SLC25A13: variants seen among roughly 807,000 people sequenced by gnomAD.
SLC25A13 encodes the protein electrogenic aspartate/glutamate antiporter SLC25A13, mitochondrial.
SLC25A13 carries 70 observed loss-of-function variants against 85.5 expected under a neutral mutation model. The observed-to-expected ratio is 0.82, with a 90% CI of 0.68 to 1.00. The LOEUF is 1.00. Ranked by LOEUF, SLC25A13 falls within the 50% of genes least tolerant of loss-of-function variation. SLC25A13 has a pLI of 0.00. For synonymous variants in SLC25A13, 259 were observed against 288.7 expected (o/e 0.90, Z 1.04); for missense variants, 765 against 819.8 (o/e 0.93, Z 0.82).
At chr7:96,205,552 T>C (rs1317321361) in intron 5 of SLC25A13, among the ~76,000 whole-genome samples, 1 of 152,216 alleles carries the variant, frequency 6.6e-6, no homozygotes, top group Non-Finnish European at 1.5e-5. Flanking sequence ...CCTGCTGAAA[T>C]CTTTCCATTC....
chr7:96,121,772 T>A lies in SLC25A13; in HGVS notation c.1751-27A>T, dbSNP rs368163332. 2.5e-6 allele frequency: 4 copies of A among 1,613,428 alleles called. No homozygotes were observed. In the African/African-American group the frequency reaches 5.3e-5, roughly 22 times the overall value. ...TTTAAAAAAATGGAGAAATCACAGATATAATTAGATATTTTAAAAATTTAC... is the reference window on the plus strand; with the variant it reads ...TTTAAAAAAATGGAGAAATCACAGAAATAATTAGATATTTTAAAAATTTAC... On this transcript the variant is annotated intron_variant, in intron 16 of 17. Coordinates refer to ENST00000265631, the MANE Select transcript of SLC25A13 (RefSeq NM_014251.3).
chr7:96,277,353 G>C lies in SLC25A13; in HGVS notation c.70-15C>G. The C allele has an allele frequency of 6.2e-7, 1 of 1,602,036 alleles. No individual in the cohort carries two copies. The highest frequency in any genetic ancestry group is 8.5e-7 in the Non-Finnish European group (1 of 1,172,414). ...ATGCTTGCATACTGTTTAAAAAAAAGAAAAACAGTATTTTATATATTTGAT... is the reference window on the plus strand; with the variant it reads ...ATGCTTGCATACTGTTTAAAAAAAACAAAAACAGTATTTTATATATTTGAT... On this transcript the variant is annotated splice_polypyrimidine_tract_variant and intron_variant, in intron 2 of 17. Coordinates refer to ENST00000265631, the MANE Select transcript of SLC25A13 (RefSeq NM_014251.3).
chr7:96,277,312 T>G lies in SLC25A13; in HGVS notation c.96A>C (p.Glu32Asp). 3.1e-6 allele frequency: 5 copies of G among 1,613,034 alleles called. No homozygotes were observed. Among genetic ancestry groups the G allele is most frequent in the Non-Finnish European group, 4.2e-6 (5 of 1,179,514 alleles). Residue 32 changes from glutamate (E) to aspartate (D), a missense_variant, in exon 3 of 18, where the codon GAA (glutamate) becomes GAC (aspartate). Coordinates refer to ENST00000265631, the MANE Select transcript of SLC25A13 (RefSeq NM_014251.3). ...LKYASIEKNG[E>D]FFMSPNDFVT... Reference sequence around the variant, plus strand: ...CAAAGTCATTGGGGGACATGAAAAATTCACCGTTTTTCTCAATGCTTGCAT... The same window carrying G: ...CAAAGTCATTGGGGGACATGAAAAAGTCACCGTTTTTCTCAATGCTTGCAT...
At chr7:96,174,244 C>T (rs774172475) in intron 11 of SLC25A13, among the ~76,000 whole-genome samples, 13 of 152,176 alleles carry the variant, frequency 8.5e-5, no homozygotes, top group Admixed American at 2.6e-4. Flanking sequence ...TCAAAAGCCC[C>T]CCTAAGCTCT....
At chr7:96,288,336 G>C (rs1001477293) in intron 2 of SLC25A13, among the ~76,000 whole-genome samples, 2 of 152,196 alleles carry the variant, frequency 1.3e-5, no homozygotes, top group African/African-American at 4.8e-5. Flanking sequence ...ACAGCTCCCA[G>C]CGTGAGCGAT....
intron 1 of SLC25A13, among the ~76,000 whole-genome samples, chr7:96,314,138 A>G (rs1191174572): frequency 6.6e-6 from 1 of 152,112 alleles, no homozygotes; most frequent in Non-Finnish European, 1.5e-5. Context: ...AGGAAGGAGG[A>G]GAAAGGATGA....
chr7:96,232,223 T>C (rs1260264898), intron 4 of SLC25A13, among the ~76,000 whole-genome samples: 2 of 151,940 alleles, frequency 1.3e-5, no homozygotes, highest in East Asian at 1.9e-4. Context: ...GAAAATGTGG[T>C]ACATATACAC....
chr7:96,146,190 T>C (rs903830528), intron 14 of SLC25A13, among the ~76,000 whole-genome samples: 26 of 152,152 alleles, frequency 1.7e-4, no homozygotes, highest in Admixed American at 3.9e-4. Flanking sequence ...GATCGGACCA[T>C]ATGCATAGGA....
chr7:96,317,045 C>A (rs1434368538), intron 1 of SLC25A13, among the ~76,000 whole-genome samples: 1 of 152,206 alleles, frequency 6.6e-6, no homozygotes, highest in Non-Finnish European at 1.5e-5. Context: ...CGTCAGCTCA[C>A]TGCAACCTCC....
At chr7:96,145,295 A>G (rs1257839158) in intron 14 of SLC25A13, among the ~76,000 whole-genome samples, 3 of 152,168 alleles carry the variant, frequency 2.0e-5, no homozygotes, top group South Asian at 4.1e-4. Flanking sequence ...ACTCTTTCCA[A>G]TCACTTGACC....
chr7:96,187,823 G>A (rs1168827300), intron 9 of SLC25A13, among the ~76,000 whole-genome samples: 3 of 152,186 alleles, frequency 2.0e-5, no homozygotes, highest in Non-Finnish European at 2.9e-5. Context: ...ACAGGTGGAC[G>A]ACCTCCCTTG....
chr7:96,283,819 T>TA (rs1224658803), intron 2 of SLC25A13: 2,934 of 80,950 alleles, frequency 0.036, 150 homozygotes, highest in African/African-American at 0.12. Flanking sequence ...AATAGGTGTT[T>TA]AAAAAAAAAA....
intron 2 of SLC25A13, among the ~76,000 whole-genome samples, chr7:96,289,357 T>C (rs1483034110): frequency 3.9e-5 from 6 of 152,206 alleles, no homozygotes; most frequent in African/African-American, 1.4e-4. Context: ...GCACCTCTCC[T>C]GCTCCAAAGG....
intron 3 of SLC25A13, among the ~76,000 whole-genome samples, chr7:96,265,457 G>A (rs560157557): frequency 1.3e-5 from 2 of 152,142 alleles, no homozygotes; most frequent in Non-Finnish European, 1.5e-5. Flanking sequence ...GTATCCTCTA[G>A]TAGAAGACTA....
At chr7:96,229,770 C>T (rs977987734) in intron 4 of SLC25A13, among the ~76,000 whole-genome samples, 8 of 152,042 alleles carry the variant, frequency 5.3e-5, no homozygotes, top group South Asian at 2.1e-4. Context: ...AGCGAGACCA[C>T]GAACCCACCA....
rs202010157 is a variant in SLC25A13 at position 96,234,846 on chromosome 7, G to T, written c.284C>A (p.Ala95Asp). 9 of 1,613,754 alleles carry T rather than the reference G, an allele frequency of 5.6e-6. No homozygotes were observed. Among genetic ancestry groups the T allele is most frequent in the Non-Finnish European group, 7.6e-6 (9 of 1,179,926 alleles). ...GCCAGCTTTGTCAAACAGCTGAAAG[G>T]CTACCATAAACAAAGCATCAGGGGC... ...LCAPDALFMV[A>D]FQLFDKAGKG... The change falls in exon 4 of 18, where the codon GCC (alanine) becomes GAC (aspartate). Residue 95 changes from alanine (A) to aspartate (D), a missense_variant. By Grantham distance (126) the Ala-to-Asp change is moderately radical (BLOSUM62 -2). Transcript: ENST00000265631.
At chr7:96,314,104 GAGA>G (rs977372568) in intron 1 of SLC25A13, among the ~76,000 whole-genome samples, 1 of 151,836 alleles carries the variant, frequency 6.6e-6, no homozygotes, top group African/African-American at 2.4e-5. Flanking sequence ...AAGAAGGAAG[GAGA>G]AGGAGGAGGA....
intron 2 of SLC25A13, among the ~76,000 whole-genome samples, chr7:96,283,981 A>G (rs1448002896): frequency 6.6e-6 from 1 of 152,180 alleles, no homozygotes; most frequent in Non-Finnish European, 1.5e-5. Flanking sequence ...ATGTGAGGTA[A>G]CTTACTGCGC....
chr7:96,276,022 G>A (rs1443513012), intron 3 of SLC25A13, among the ~76,000 whole-genome samples: 1 of 152,184 alleles, frequency 6.6e-6, no homozygotes. Context: ...GACACATGAA[G>A]ATTCCAATAA....
Sources: gnomAD v4.1 joint callset for allele counts (sites outside exome capture counted in the v4.1 genomes callset) on GRCh38, gnomAD v4.1.1 for gene constraint, MANE v1.5 for transcripts, NCBI Gene and HGNC (gene_info 2026-07-23, HGNC 2026-07-21) for gene names.